The following ARNT variants were observed in gnomAD, a reference collection of about 807,000 sequenced individuals.
ARNT encodes class E basic helix-loop-helix protein 2.
Under a neutral mutation model 105.0 loss-of-function variants are expected in ARNT, and 30 were observed. The ratio of observed to expected loss-of-function variants is 0.29; its 90% CI spans 0.21 to 0.39. The LOEUF (loss-of-function observed/expected upper bound fraction) is 0.39. Among genes scored for constraint, ARNT ranks in the 10% least tolerant of loss-of-function variants. ARNT has a pLI of 1.00. For missense variants in ARNT, 748 were observed against 978.7 expected (o/e 0.76, Z 3.15); for synonymous variants, 304 against 344.0 (o/e 0.88, Z 1.29).
chr1:150,835,935 G>A (rs1367784611), intron 7 of ARNT, among the ~76,000 whole-genome samples: 1 of 151,840 alleles, frequency 6.6e-6, no homozygotes, highest in African/African-American at 2.4e-5. Context: ...GCACCAGGAG[G>A]TAGAAAAAAT....
intron 3 of ARNT, among the ~76,000 whole-genome samples, chr1:150,848,970 G>A (rs1372120742): frequency 1.3e-5 from 2 of 152,004 alleles, no homozygotes; most frequent in African/African-American, 2.4e-5. Flanking sequence ...TTGGGAGGCC[G>A]AGGTGGGCGG....
At position 150,817,115 on chromosome 1, in the gene ARNT, T is replaced by G. The variant is rs760792350; in HGVS notation, c.1666A>C (p.Arg556=). ...ATGTTGTGATAGATTTCTGAAAATC[T>G]TGGATCTCTATCCTGGGCAAATAAA... The part of the protein sequence containing the change: ...DGLFAQDRDP[R]FSEIYHNINA... Residue 556 remains arginine (R), a synonymous_variant, in exon 17 of 22, where the codon AGA becomes CGA. Transcript: ENST00000358595. The G allele has an allele frequency of 1.2e-6, 2 of 1,614,094 alleles. No homozygotes were observed. Among genetic ancestry groups the G allele is most frequent in the African/African-American group, 2.7e-5 (2 of 74,920 alleles).
intron 9 of ARNT, 100 bp downstream of exon 9, chr1:150,832,234 G>C (rs1269789144): frequency 6.4e-6 from 8 of 1,256,572 alleles, no homozygotes; most frequent in Non-Finnish European, 8.1e-6. Context: ...GGATGCAAGT[G>C]AGAGCTGCTG....
Position 150,876,577 on chromosome 1 carries a change from T to C in ARNT, c.-10A>G, listed in dbSNP as rs1164151391. ...CAGTAGTCGCCGCCATGGCCGCAGA[T>C]GCCACCGCCGCCGCGCCACCCCCCC... On this transcript the variant is annotated 5_prime_UTR_variant, in exon 1 of 22. Transcript: ENST00000358595. The C allele has an allele frequency of 5.2e-6, 8 of 1,527,566 alleles. No homozygotes were observed. Among genetic ancestry groups the C allele is most frequent in the African/African-American group, 1.5e-5 (1 of 68,628 alleles). 94.6% of individuals were successfully genotyped at this position (1,527,566 alleles called of 1,614,324 possible).
In ARNT at chr1:150,829,876, AATATAGATG is replaced by A. The variant is rs1659025004; in HGVS notation, c.1032+19_1032+27del. 6.2e-7 allele frequency: 1 copy of A among 1,610,978 alleles called. No individual in the cohort carries two copies. Among genetic ancestry groups the A allele is most frequent in the Non-Finnish European group, 8.5e-7 (1 of 1,177,268 alleles). ...TGAAGATCTGCTCTAATTGAACGGG[AATATAGATG>A]TGGAAAATTCATACTTGCCTGCAAT... On this transcript the variant is annotated intron_variant, in intron 11 of 21. Transcript: ENST00000358595.
chr1:150,851,086 C>G (rs1050540643), intron 3 of ARNT, among the ~76,000 whole-genome samples: 4 of 150,936 alleles, frequency 2.7e-5, no homozygotes, highest in African/African-American at 9.7e-5. Flanking sequence ...CCCCTCCGCC[C>G]CGCAGCCGCC....
chr1:150,831,667 G>T, intron 10 of ARNT, 151 bp downstream of exon 10: 1 of 581,700 alleles, frequency 1.7e-6, no homozygotes. Context: ...AATAATGGAA[G>T]GGAAGGATTG....
In ARNT at chr1:150,831,800, A is replaced by C. The variant is rs10305705; in HGVS notation, c.955+18T>G. 3,065 of 1,581,976 alleles carry C rather than the reference A, an allele frequency of 1.9e-3. 55 individuals are homozygous for C. In the African/African-American group the frequency reaches 0.037, roughly 19 times the overall value. ...CCAACTGTACCAAGGGGAAATATTT[A>C]CTATTTCACTTTCTTACCTGCTGGG... On this transcript the variant is annotated intron_variant, in intron 10 of 21. Coordinates refer to ENST00000358595, the MANE Select transcript of ARNT (RefSeq NM_001668.4).
chr1:150,865,003 T>C (rs1246431596), intron 1 of ARNT, among the ~76,000 whole-genome samples: 2 of 150,844 alleles, frequency 1.3e-5, no homozygotes, highest in African/African-American at 4.9e-5. Flanking sequence ...AAGACAAACA[T>C]ATAACTTTAA....
rs587707138 is a variant in ARNT at position 150,835,171 on chromosome 1, T to G, written c.701-531A>C. Among the ~76,000 whole-genome samples the G allele has an allele frequency of 3.6e-3, 544 of 151,288 alleles. 3 individuals are homozygous for G. The highest frequency in any genetic ancestry group is 6.5e-3 in the Non-Finnish European group (441 of 67,826). On this transcript the variant is annotated intron_variant, in intron 7 of 21. Transcript: ENST00000358595. ...AAAAAAAGAATAAAAAGAAAAAATT[T>G]TAAAAAGAAAAAAACCAAGTAATTT...
At chr1:150,852,042 CA>C (rs201248419) in intron 3 of ARNT, among the ~76,000 whole-genome samples, 58 of 95,034 alleles carry the variant, frequency 6.1e-4, no homozygotes, top group African/African-American at 8.2e-4. Flanking sequence ...GACTCCGTCT[CA>C]AAAAAAAAAA....
chr1:150,836,511 A>G lies in ARNT; in HGVS notation c.487-18T>C. ...TTCAGTTCCTGCGCAAGAAAAAGAA[A>G]TAGAAGTTAATATTTTACTCTGAAA... On this transcript the variant is annotated intron_variant, in intron 6 of 21. Coordinates refer to ENST00000358595, the MANE Select transcript of ARNT (RefSeq NM_001668.4). 6.2e-7 allele frequency: 1 copy of G among 1,608,132 alleles called. No homozygotes were observed. Among genetic ancestry groups the G allele is most frequent in the Non-Finnish European group, 8.5e-7 (1 of 1,176,864 alleles).
intron 7 of ARNT, among the ~76,000 whole-genome samples, chr1:150,835,215 A>G (rs1660107190): frequency 1.3e-5 from 2 of 152,132 alleles, no homozygotes; most frequent in Admixed American, 1.3e-4. Flanking sequence ...ATAGAAACAT[A>G]TAGATCTGTT....
intron 10 of ARNT, chr1:150,830,530 A>C (rs1356348784): frequency 6.6e-6 from 1 of 152,342 alleles, no homozygotes; most frequent in Non-Finnish European, 1.5e-5. Context: ...TGTTAATTAT[A>C]GTAAACTGGA....
At chr1:150,859,109 T>C (rs587651115) in intron 1 of ARNT, among the ~76,000 whole-genome samples, 1 of 152,032 alleles carries the variant, frequency 6.6e-6, no homozygotes, top group African/African-American at 2.4e-5. Context: ...CATAAATGGG[T>C]TTATACATTT....
chr1:150,858,784 GTTAA>G (rs910507476), intron 1 of ARNT, among the ~76,000 whole-genome samples: 19 of 149,946 alleles, frequency 1.3e-4, no homozygotes, highest in Non-Finnish European at 2.5e-4. Flanking sequence ...ACCACACCCA[GTTAA>G]TTTTTTTTTT....
chr1:150,815,266 C>T (rs902571073), intron 19 of ARNT, among the ~76,000 whole-genome samples: 4 of 151,854 alleles, frequency 2.6e-5, no homozygotes, highest in East Asian at 1.9e-4. Context: ...AAGAATTTTT[C>T]GGCTGGATGC....
intron 1 of ARNT, among the ~76,000 whole-genome samples, chr1:150,868,359 T>C (rs1666938073): frequency 6.6e-6 from 1 of 151,856 alleles, no homozygotes; most frequent in Admixed American, 6.6e-5. Flanking sequence ...AGTAGAAGCA[T>C]ACTGAACAAG....
chr1:150,863,539 G>A (rs1164817180), intron 1 of ARNT, among the ~76,000 whole-genome samples: 1 of 151,808 alleles, frequency 6.6e-6, no homozygotes, highest in East Asian at 1.9e-4. Flanking sequence ...CTTAAAAAAA[G>A]TAAAGGAGAC....
Sources: gnomAD v4.1 joint callset for allele counts (sites outside exome capture counted in the v4.1 genomes callset) on GRCh38, gnomAD v4.1.1 for gene constraint, MANE v1.5 for transcripts, NCBI Gene and HGNC (gene_info 2026-07-23, HGNC 2026-07-21) for gene names.